Variants in USP37 observed in about 807,000 individuals in gnomAD.
The protein encoded by USP37 is ubiquitin specific peptidase 37.
In USP37, 27 loss-of-function variants were observed where a neutral mutation model predicts 124.0. The observed-to-expected ratio is 0.22, with a 90% CI of 0.16 to 0.30. USP37 has a LOEUF of 0.30. Among genes scored for constraint, USP37 ranks in the 10% least tolerant of loss-of-function variants. The pLI is 1.00. For missense variants in USP37, 889 were observed against 1,140.4 expected, an observed-to-expected ratio of 0.78 and a Z score of 3.17; for synonymous variants, 365 against 388.0, an observed-to-expected ratio of 0.94 and a Z score of 0.70.
intron 24 of USP37, among the ~76,000 whole-genome samples, chr2:218,456,333 C>T (rs1288865288): frequency 5.9e-5 from 9 of 151,676 alleles, no homozygotes; most frequent in African/African-American, 1.2e-4. Flanking sequence ...CACGTGTAGT[C>T]GCAGCTACTC....
At chr2:218,511,056 T>C (rs1010956229) in intron 10 of USP37, among the ~76,000 whole-genome samples, 6 of 152,164 alleles carry the variant, frequency 3.9e-5, no homozygotes, top group African/African-American at 1.4e-4. Context: ...CTCACTGTTA[T>C]TTGATTTTGC....
At chr2:218,502,357 A>G (rs1358914144) in intron 11 of USP37, among the ~76,000 whole-genome samples, 4 of 152,208 alleles carry the variant, frequency 2.6e-5, no homozygotes, top group Admixed American at 1.3e-4. Flanking sequence ...GATTAATAGC[A>G]TATTAGACAC....
intron 11 of USP37, among the ~76,000 whole-genome samples, chr2:218,507,553 C>T (rs1269213479): frequency 6.6e-6 from 1 of 152,082 alleles, no homozygotes; most frequent in Non-Finnish European, 1.5e-5. Flanking sequence ...TTGATTCATG[C>T]TTCTGTTTTT....
At chr2:218,459,932 TA>T (rs2106405965) in intron 22 of USP37, 27 bp from the exon 23 acceptor site, 2 of 1,583,196 alleles carry the variant, frequency 1.3e-6, no homozygotes, top group Non-Finnish European at 8.7e-7. Flanking sequence ...CAAAATCTTA[TA>T]AAAGTTCTTG....
At chr2:218,492,723 A>G (rs1688855022) in intron 14 of USP37, among the ~76,000 whole-genome samples, 1 of 152,206 alleles carries the variant, frequency 6.6e-6, no homozygotes, top group African/African-American at 2.4e-5. Context: ...AAAGAAATAC[A>G]AAGCTGGGCA....
At chr2:218,547,346 A>G (rs1178957901) in intron 6 of USP37, among the ~76,000 whole-genome samples, 2 of 152,162 alleles carry the variant, frequency 1.3e-5, no homozygotes. Context: ...AGGAAAAAAT[A>G]CAAATGGAGA....
intron 9 of USP37, among the ~76,000 whole-genome samples, chr2:218,532,526 C>A (rs143772603): frequency 6.6e-6 from 1 of 151,444 alleles, no homozygotes; most frequent in East Asian, 2.0e-4. Context: ...CTTCAGCAAC[C>A]ACCACCCTAA....
intron 20 of USP37, among the ~76,000 whole-genome samples, chr2:218,469,921 T>G (rs2106414710): frequency 6.7e-6 from 1 of 150,284 alleles, no homozygotes; most frequent in East Asian, 2.0e-4. Context: ...CCCGGGTTCT[T>G]GCCATTCTCC....
At chr2:218,506,605 C>CT (rs35770553) in intron 11 of USP37, among the ~76,000 whole-genome samples, 40,249 of 136,070 alleles carry the variant, frequency 0.3, 6,623 homozygotes, top group Non-Finnish European at 0.39. Flanking sequence ...TTTTATACTT[C>CT]TTTTTTTTTT....
intron 7 of USP37, 120 bp from the exon 8 acceptor site, chr2:218,546,418 AT>A: frequency 1.5e-6 from 1 of 647,530 alleles, no homozygotes; most frequent in Non-Finnish European, 2.6e-6. Context: ...TCTACACCAT[AT>A]TTAATTATTA....
chr2:218,553,306 G>T (rs1692768275), intron 5 of USP37, among the ~76,000 whole-genome samples: 1 of 152,014 alleles, frequency 6.6e-6, no homozygotes, highest in Admixed American at 6.6e-5. Flanking sequence ...GTTGGATTTT[G>T]TCAATGTTTT....
At chr2:218,565,175 G>C (rs898819424) in intron 1 of USP37, among the ~76,000 whole-genome samples, 4 of 152,170 alleles carry the variant, frequency 2.6e-5, no homozygotes, top group Non-Finnish European at 5.9e-5. Context: ...CGCCCACCTT[G>C]GTCTCCCGCA....
At chr2:218,462,900 T>G (rs2106408336) in intron 22 of USP37, among the ~76,000 whole-genome samples, 1 of 152,112 alleles carries the variant, frequency 6.6e-6, no homozygotes, top group South Asian at 2.1e-4. Flanking sequence ...AAAAAACACA[T>G]TTTAGCTTGT....
chr2:218,546,480 A>C (rs514799), intron 7 of USP37, among the ~76,000 whole-genome samples, 182 bp from the exon 8 acceptor site: 1 of 152,124 alleles, frequency 6.6e-6, no homozygotes, highest in Middle Eastern at 3.4e-3. Flanking sequence ...GTGTAGTGAC[A>C]TGATCTTGGC....
Position 218,450,265 on chromosome 2 carries a change from G to C in USP37, c.*4665C>G, listed in dbSNP as rs1376657597. 2 of 152,146 alleles carry C rather than the reference G, an allele frequency of 1.3e-5. No individual in the cohort carries two copies. Among genetic ancestry groups the C allele is most frequent in the African/African-American group, 2.4e-5 (1 of 41,380 alleles). 9.4% of individuals were successfully genotyped at this position (152,146 alleles called of 1,614,324 possible). On this transcript the variant is annotated 3_prime_UTR_variant, in exon 26 of 26. Transcript: ENST00000258399. ...GTCAAATCAAAGAAGGTTAATAAAG[G>C]CTTTAATTTCATACACACAAAAAAA...
chr2:218,543,483 C>G (rs1692104069), intron 8 of USP37, among the ~76,000 whole-genome samples: 1 of 106,676 alleles, frequency 9.4e-6, no homozygotes, highest in Non-Finnish European at 1.7e-5. Context: ...GCCTGGGCGA[C>G]AGTGCATGAC....
In USP37 at chr2:218,518,803, CTTCT is replaced by C. The variant is rs58998028; in HGVS notation, c.864-8667_864-8664del. ...TAAAAACAAAGGTGATGTTGTATTT[CTTCT>C]TTCTTTCTTTTCTTTTTTCTCCAAT... On this transcript the variant is annotated intron_variant, in intron 10 of 25. Coordinates refer to ENST00000258399, the MANE Select transcript of USP37 (RefSeq NM_020935.3). Among the ~76,000 whole-genome samples the C allele has an allele frequency of 6.5e-3, 984 of 152,082 alleles. 13 individuals are homozygous for C. Among genetic ancestry groups the C allele is most frequent in the African/African-American group, 0.022 (906 of 41,448 alleles).
intron 20 of USP37, among the ~76,000 whole-genome samples, chr2:218,469,686 A>G (rs1467929731): frequency 1.3e-5 from 2 of 152,122 alleles, no homozygotes; most frequent in African/African-American, 4.8e-5. Flanking sequence ...TGTCTTCAGG[A>G]TAAGATTATC....
At chr2:218,485,768 C>CATA (rs1691526018) in intron 15 of USP37, 25 bp from the exon 16 acceptor site, 2 of 1,593,612 alleles carry the variant, frequency 1.3e-6, no homozygotes, top group South Asian at 2.3e-5. Context: ...AAAAATAAAG[C>CATA]ATGAAGGTGA....
Sources: gnomAD v4.1 joint callset for allele counts (sites outside exome capture counted in the v4.1 genomes callset) on GRCh38, gnomAD v4.1.1 for gene constraint, MANE v1.5 for transcripts, NCBI Gene and HGNC (gene_info 2026-07-23, HGNC 2026-07-21) for gene names.